The following TLCD1 variants were observed in gnomAD, a reference collection of about 807,000 sequenced individuals.
TLCD1 encodes TLC domain containing 1, also known as TLC domain-containing protein 1.
In TLCD1, 21 loss-of-function variants were observed where a neutral mutation model predicts 21.2. That is an observed-to-expected ratio of 0.99 (90% CI 0.70 to 1.42). The LOEUF is 1.42. Ranked by LOEUF, TLCD1 falls within the 40% of genes most tolerant of loss-of-function variation. TLCD1 has a pLI of 0.00. For synonymous variants in TLCD1, 168 were observed against 134.8 expected (o/e 1.25, Z -1.71); for missense variants, 344 against 330.3 (o/e 1.04, Z -0.32).
chr17:28,725,623 C>T (rs1170914592), intron 1 of TLCD1, 60 bp from the exon 2 acceptor site: 1 of 1,560,620 alleles, frequency 6.4e-7, no homozygotes, highest in African/African-American at 1.4e-5. Flanking sequence ...ATCAACTTCT[C>T]GGTTACCCTT....
In TLCD1 at chr17:28,725,915, C is replaced by T. The variant is rs987262967; in HGVS notation, c.183G>A (p.Trp61Ter). 6.2e-7 allele frequency: 1 copy of T among 1,613,156 alleles called. No homozygotes were observed. The highest frequency in any genetic ancestry group is 8.5e-7 in the Non-Finnish European group (1 of 1,179,916). Residue 61 changes from tryptophan (W) to a stop codon, truncating the protein, a stop_gained, in exon 1 of 4, where the codon TGG (tryptophan) becomes TGA (stop). Coordinates refer to ENST00000292090, the MANE Select transcript of TLCD1 (RefSeq NM_138463.4). LOFTEE classifies it high-confidence loss of function. ...SFAHSIVSGI[W>*]ALLCVWQTPD... ...AGTCGCTCACTCACCACAGCAGTGC[C>T]CAGATCCCCGACACAATGGAGTGAG...
intron 2 of TLCD1, 29 bp downstream of exon 2, chr17:28,725,452 T>C (rs886570044): frequency 2.0e-5 from 32 of 1,614,000 alleles, no homozygotes; most frequent in Non-Finnish European, 2.7e-5. Context: ...TGTCCCCAAT[T>C]TGCCTCCCGC....
chr17:28,726,741 G>A, upstream of TLCD1: 1 of 1,548,580 alleles, frequency 6.5e-7, no homozygotes, highest in Non-Finnish European at 8.7e-7. Context: ...CTTCTGGCCG[G>A]AGTCCCGTGT....
chr17:28,725,236 C>G (rs964988966), intron 3 of TLCD1, 68 bp downstream of exon 3: 2 of 1,558,170 alleles, frequency 1.3e-6, no homozygotes, highest in Admixed American at 1.7e-5. Flanking sequence ...CTCCCAGATT[C>G]AGAAAGACGG....
chr17:28,724,926 C>A (rs1463520352), intron 3 of TLCD1, 33 bp from the exon 4 acceptor site: 1 of 1,585,306 alleles, frequency 6.3e-7, no homozygotes, highest in Admixed American at 1.8e-5. Flanking sequence ...GTTAGGGAAC[C>A]CAGATGCAGA....
At chr17:28,725,002 CT>C (rs1332621366) in intron 3 of TLCD1, 109 bp from the exon 4 acceptor site, 9 of 1,255,014 alleles carry the variant, frequency 7.2e-6, no homozygotes, top group Admixed American at 2.7e-5. Flanking sequence ...AAATTTCCCC[CT>C]GGAATAATAG....
At chr17:28,726,348 C>G, upstream of TLCD1, 1 of 737,128 alleles carries the variant, frequency 1.4e-6, no homozygotes, top group Non-Finnish European at 1.7e-6. Context: ...GCCCCTCAGG[C>G]GCTGCTGCCG....
At position 28,725,599 on chromosome 17, in the gene TLCD1, C is replaced by T. The variant is rs1418478162; in HGVS notation, c.195-36G>A. ...GGGAAGAGGAGGCTCTGCATTTCGG[C>T]ACCCTCAAGGACCATCAACTTCTCG... On this transcript the variant is annotated intron_variant, in intron 1 of 3. Transcript: ENST00000292090. 10 of 1,604,388 alleles carry T rather than the reference C, an allele frequency of 6.2e-6. No homozygotes were observed. In the African/African-American group the frequency reaches 1.2e-4, roughly 19 times the overall value.
Position 28,725,519 on chromosome 17 carries a change from C to G in TLCD1, c.239G>C (p.Trp80Ser), listed in dbSNP as rs1597800216. Residue 80 changes from tryptophan (W) to serine (S), a missense_variant, in exon 2 of 4, where the codon TGG becomes TCG. Coordinates refer to ENST00000292090, the MANE Select transcript of TLCD1 (RefSeq NM_138463.4). ...AACGAGCAAATAGCCAGAAAGTGAC[C>G]ACGCCGTCTCAATCTCCACTAACAT... ...PDMLVEIETA[W>S]SLSGYLLVCF... 6.2e-7 allele frequency: 1 copy of G among 1,614,152 alleles called. No individual in the cohort carries two copies. Among genetic ancestry groups the G allele is most frequent in the Non-Finnish European group, 8.5e-7 (1 of 1,180,014 alleles).
intron 3 of TLCD1, 78 bp from the exon 4 acceptor site, chr17:28,724,971 G>C: frequency 6.7e-7 from 1 of 1,503,752 alleles, no homozygotes; most frequent in Non-Finnish European, 8.9e-7. Context: ...GTGGCTATCA[G>C]ATTGAGGGCT....
At chr17:28,727,119 C>T (rs978007788), upstream of TLCD1, 58 of 369,490 alleles carry the variant, frequency 1.6e-4, no homozygotes, top group Non-Finnish European at 4.0e-5. Flanking sequence ...TGAGAGCCAG[C>T]GAGGGAAGTT....
upstream of TLCD1, chr17:28,726,861 G>A: frequency 6.6e-7 from 1 of 1,522,284 alleles, no homozygotes; most frequent in Non-Finnish European, 8.9e-7. Flanking sequence ...GGCTGTCACA[G>A]TCCTCCCTCA....
In TLCD1 at chr17:28,725,531, A is replaced by G. The variant is rs1416618214; in HGVS notation, c.227T>C (p.Ile76Thr). ...GCCAGAAAGTGACCACGCCGTCTCA[A>G]TCTCCACTAACATGTCAGGAGTCTG... ...VWQTPDMLVE[I>T]ETAWSLSGYL... is the part of the protein sequence containing the mutation. The change falls in exon 2 of 4, where the codon ATT becomes ACT. Residue 76 changes from isoleucine (I) to threonine (T), a missense_variant. Transcript: ENST00000292090. 8 of 1,614,144 alleles carry G rather than the reference A, an allele frequency of 5.0e-6. No individual in the cohort carries two copies. Among genetic ancestry groups the G allele is most frequent in the South Asian group, 1.1e-5 (1 of 91,084 alleles).
At position 28,725,938 on chromosome 17, in the gene TLCD1, G is replaced by A. The variant is rs1192915355; in HGVS notation, c.160C>T (p.His54Tyr). The change falls in exon 1 of 4, where the codon CAC becomes TAC. Residue 54 changes from histidine to tyrosine, a missense_variant. Coordinates refer to ENST00000292090, the MANE Select transcript of TLCD1 (RefSeq NM_138463.4). ...RWHNLLVSFA[H>Y]SIVSGIWALL... ...GCCCAGATCCCCGACACAATGGAGT[G>A]AGCGAAGGAGACGAGCAGGTTGTGC... 2.2e-5 allele frequency: 35 copies of A among 1,612,958 alleles called. No homozygotes were observed. Among genetic ancestry groups the A allele is most frequent in the Non-Finnish European group, 2.9e-5 (34 of 1,179,892 alleles).
At chr17:28,724,959 G>A (rs1597799542) in intron 3 of TLCD1, 66 bp from the exon 4 acceptor site, 1 of 1,544,404 alleles carries the variant, frequency 6.5e-7, no homozygotes, top group Non-Finnish European at 8.7e-7. Context: ...AGTTTGGGGG[G>A]TGTGGCTATC....
rs116766398 is a variant in TLCD1, at chr17:28,725,294, T to G, written c.360+10A>C. 2,027 of 1,613,910 alleles carry G rather than the reference T, an allele frequency of 1.3e-3. 19 individuals are homozygous for G. In the African/African-American group the frequency reaches 0.024, roughly 19 times the overall value. Reference sequence around the variant, plus strand: ...CCAGGCCTATACCACATAGTCTGCTTCTCTCTTACCATGACGTGATGGACA... The same window carrying G: ...CCAGGCCTATACCACATAGTCTGCTGCTCTCTTACCATGACGTGATGGACA... On this transcript the variant is annotated intron_variant, in intron 3 of 3. Transcript: ENST00000292090.
chr17:28,724,809 T>C lies in TLCD1; in HGVS notation c.445A>G (p.Ile149Val). 1 of 1,614,054 alleles carries C rather than the reference T, an allele frequency of 6.2e-7. No individual in the cohort carries two copies. Among genetic ancestry groups the C allele is most frequent in the Non-Finnish European group, 8.5e-7 (1 of 1,180,016 alleles). Residue 149 changes from isoleucine (I) to valine (V), a missense_variant, in exon 4 of 4, where the codon ATC becomes GTC. Coordinates refer to ENST00000292090, the MANE Select transcript of TLCD1 (RefSeq NM_138463.4). ...ATCATCATGCGAATGGTGAGGAAGA[T>C]GTTGCTGACTTCCACCAGTAGTGTT... ...VLTLLVEVSN[I>V]FLTIRMMMKI...
chr17:28,725,989 C>G lies in TLCD1; in HGVS notation c.109G>C (p.Ala37Pro). The G allele has an allele frequency of 6.2e-7, 1 of 1,611,438 alleles. No individual in the cohort carries two copies. Among genetic ancestry groups the G allele is most frequent in the South Asian group, 1.1e-5 (1 of 91,020 alleles). ...CAGCGCCAGGTGCGCAGGGGGTCGG[C>G]GCGCACGTGCACGGGTAGGGGCAGG... ...CRLPLPVHVR[A>P]DPLRTWRWHN... The change falls in exon 1 of 4, where the codon GCC becomes CCC. Residue 37 changes from alanine (A) to proline (P), a missense_variant. Physicochemically the swap from Ala to Pro is conservative, Grantham distance 27 (BLOSUM62 -1). Coordinates refer to ENST00000292090, the MANE Select transcript of TLCD1 (RefSeq NM_138463.4).
chr17:28,724,416 C>G lies in TLCD1; in HGVS notation c.*94G>C. The G allele has an allele frequency of 6.7e-7, 1 of 1,495,594 alleles. No homozygotes were observed. Among genetic ancestry groups the G allele is most frequent in the Non-Finnish European group, 9.0e-7 (1 of 1,107,720 alleles). 92.6% of individuals were successfully genotyped at this position (1,495,594 alleles called of 1,614,324 possible). ...AGGCTCAGAAGGTGGAGAGGCTGGC[C>G]TCAGAGGACACCCAGGCTTGGGGCT... On this transcript the variant is annotated 3_prime_UTR_variant, in exon 4 of 4. Transcript: ENST00000292090.
Sources: allele counts gnomAD v4.1 joint callset, GRCh38; gene constraint gnomAD v4.1.1; transcripts MANE v1.5; gene names NCBI Gene and HGNC (gene_info 2026-07-23, HGNC 2026-07-21).